RAD51B: variants seen among roughly 807,000 people sequenced by gnomAD.
The protein encoded by RAD51B is RAD51 paralog B.
A neutral mutation model predicts 42.2 loss-of-function variants in RAD51B; 38 were observed. That is an observed-to-expected ratio of 0.90 (90% CI 0.70 to 1.18). RAD51B has a LOEUF of 1.18. Ranked by LOEUF, RAD51B falls within the 50% of genes most tolerant of loss-of-function variation. The pLI is 0.00. For synonymous variants in RAD51B, 154 were observed against 145.2 expected (o/e 1.06, Z -0.43); for missense variants, 373 against 400.7 (o/e 0.93, Z 0.59).
chr14:68,340,435 C>T (rs947497809), intron 8 of RAD51B, among the ~76,000 whole-genome samples: 2 of 152,204 alleles, frequency 1.3e-5, no homozygotes, highest in African/African-American at 4.8e-5. Context: ...TTTGACACCT[C>T]TGGGGATCTA....
chr14:68,426,837 C>T (rs753324062), intron 9 of RAD51B, among the ~76,000 whole-genome samples: 1 of 152,162 alleles, frequency 6.6e-6, no homozygotes, highest in Non-Finnish European at 1.5e-5. Flanking sequence ...ATTTTTAAGG[C>T]TGCCCCTCCC....
At chr14:68,224,271 A>G (rs1008082009) in intron 7 of RAD51B, among the ~76,000 whole-genome samples, 1 of 152,158 alleles carries the variant, frequency 6.6e-6, no homozygotes, top group African/African-American at 2.4e-5. Context: ...CAATTCTTGG[A>G]TAACTTTTCA....
intron 9 of RAD51B, among the ~76,000 whole-genome samples, chr14:68,438,391 T>C (rs987247662): frequency 3.9e-5 from 6 of 152,076 alleles, no homozygotes; most frequent in Non-Finnish European, 7.4e-5. Flanking sequence ...GATGAGGTTT[T>C]ACTCACTGAA....
At chr14:68,052,253 A>C (rs949427111) in intron 7 of RAD51B, among the ~76,000 whole-genome samples, 3 of 152,226 alleles carry the variant, frequency 2.0e-5, no homozygotes, top group Non-Finnish European at 2.9e-5. Flanking sequence ...TAACACCATC[A>C]AAGTGTATTT....
chr14:67,869,922 GCTC>G (rs2042464943), intron 5 of RAD51B, among the ~76,000 whole-genome samples: 1 of 151,764 alleles, frequency 6.6e-6, no homozygotes, highest in South Asian at 2.1e-4. Flanking sequence ...CCCTAAAAGA[GCTC>G]CTGAAGGAAG....
intron 7 of RAD51B, among the ~76,000 whole-genome samples, chr14:68,048,432 G>A (rs989053324): frequency 6.6e-6 from 1 of 152,124 alleles, no homozygotes; most frequent in African/African-American, 2.4e-5. Flanking sequence ...CTGTGCAGAA[G>A]CTCTTTAGTT....
At chr14:68,589,250 AAC>A (rs1398873006) in intron 10 of RAD51B, among the ~76,000 whole-genome samples, 3 of 152,176 alleles carry the variant, frequency 2.0e-5, no homozygotes, top group African/African-American at 7.2e-5. Context: ...GCGAGCCTTG[AAC>A]GACTAGCCTC....
chr14:68,606,464 A>G (rs1408283373), intron 10 of RAD51B, among the ~76,000 whole-genome samples: 1 of 152,170 alleles, frequency 6.6e-6, no homozygotes, highest in Non-Finnish European at 1.5e-5. Flanking sequence ...TTCTTCTACA[A>G]TATCACCATC....
intron 5 of RAD51B, among the ~76,000 whole-genome samples, chr14:67,875,403 C>G (rs79881417): frequency 0.051 from 7,801 of 152,182 alleles, 459 homozygotes; most frequent in African/African-American, 0.15. Context: ...TCTTTAACAC[C>G]TAGCAAACTA....
intron 8 of RAD51B, 135 bp from the exon 9 acceptor site, chr14:68,411,289 C>T: frequency 1.4e-6 from 1 of 707,536 alleles, no homozygotes; most frequent in Non-Finnish European, 2.5e-6. Flanking sequence ...TTCACTGATT[C>T]CTCAAGTTCT....
intron 8 of RAD51B, among the ~76,000 whole-genome samples, chr14:68,320,718 A>G (rs1439102339): frequency 6.6e-6 from 1 of 152,240 alleles, no homozygotes; most frequent in Non-Finnish European, 1.5e-5. Flanking sequence ...ATCTCATTAA[A>G]TAAAAAGTTT....
At chr14:68,326,027 CTTTTTCTTTTCT>C (rs1418309599) in intron 8 of RAD51B, among the ~76,000 whole-genome samples, 886 of 51,646 alleles carry the variant, frequency 0.017, 18 homozygotes, top group African/African-American at 0.051. Flanking sequence ...TGTTGTTATT[CTTTTTCTTTTCT>C]TTTTTTTTTT....
At chr14:68,473,867 C>A (rs970254734) in intron 10 of RAD51B, among the ~76,000 whole-genome samples, 1 of 152,232 alleles carries the variant, frequency 6.6e-6, no homozygotes, top group African/African-American at 2.4e-5. Flanking sequence ...AAAAACTTTT[C>A]TACATATATG....
chr14:67,846,418 A>G (rs999575702), intron 4 of RAD51B, among the ~76,000 whole-genome samples: 1 of 152,152 alleles, frequency 6.6e-6, no homozygotes, highest in Non-Finnish European at 1.5e-5. Flanking sequence ...GCATATGCAC[A>G]TGGGTGCCAG....
At chr14:68,341,312 C>G (rs1404754392) in intron 8 of RAD51B, among the ~76,000 whole-genome samples, 1 of 152,140 alleles carries the variant, frequency 6.6e-6, no homozygotes, top group Non-Finnish European at 1.5e-5. Flanking sequence ...TTAAATGACA[C>G]TGTGTCATTT....
intron 7 of RAD51B, among the ~76,000 whole-genome samples, chr14:68,183,990 G>GT (rs1037391566): frequency 2.6e-5 from 4 of 151,658 alleles, no homozygotes; most frequent in Admixed American, 6.6e-5. Context: ...TACTCGGGGG[G>GT]GGTGAGGCAG....
intron 8 of RAD51B, among the ~76,000 whole-genome samples, chr14:68,364,165 G>T (rs920517559): frequency 1.3e-5 from 2 of 152,122 alleles, no homozygotes; most frequent in Non-Finnish European, 2.9e-5. Context: ...CCCAGTGTGT[G>T]TGTCCCCTTC....
intron 7 of RAD51B, among the ~76,000 whole-genome samples, chr14:68,242,176 G>A (rs2080401438): frequency 6.6e-6 from 1 of 152,216 alleles, no homozygotes; most frequent in South Asian, 2.1e-4. Context: ...TAGGATTTCT[G>A]TAAAGATGCA....
At chr14:67,904,273 A>T (rs893889598) in intron 7 of RAD51B, among the ~76,000 whole-genome samples, 3 of 152,094 alleles carry the variant, frequency 2.0e-5, no homozygotes, top group African/African-American at 7.3e-5. Flanking sequence ...TATACCTAGT[A>T]GTAGGATTGC....
Sources: gnomAD v4.1 joint callset for allele counts (sites outside exome capture counted in the v4.1 genomes callset) on GRCh38, gnomAD v4.1.1 for gene constraint, MANE v1.5 for transcripts, NCBI Gene and HGNC (gene_info 2026-07-23, HGNC 2026-07-21) for gene names.